The following TMEM232 variants were observed in gnomAD, a reference collection of about 807,000 sequenced individuals.
TMEM232 encodes the protein transmembrane protein 232.
In TMEM232, 80 loss-of-function variants were observed where a neutral mutation model predicts 78.8. That is an observed-to-expected ratio of 1.01 (90% CI 0.85 to 1.22). The LOEUF is 1.22. TMEM232 is among the 50% of genes most tolerant of loss of function. TMEM232 has a pLI of 0.00. For missense variants in TMEM232, 881 were observed against 742.2 expected, an observed-to-expected ratio of 1.19 and a Z score of -2.17; for synonymous variants, 297 against 254.3, an observed-to-expected ratio of 1.17 and a Z score of -1.60.
intron 12 of TMEM232, among the ~76,000 whole-genome samples, chr5:110,443,137 A>T (rs888948845): frequency 1.3e-5 from 2 of 152,090 alleles, no homozygotes; most frequent in African/African-American, 4.8e-5. Context: ...GCAAGTGGTA[A>T]TGTCAGCCAG....
chr5:110,690,813 T>C (rs1439825236), intron 1 of TMEM232, among the ~76,000 whole-genome samples: 9 of 152,192 alleles, frequency 5.9e-5, no homozygotes. Context: ...GATGAATTCA[T>C]GTCCTTTGAA....
At chr5:110,655,542 C>T (rs1788919157) in intron 2 of TMEM232, among the ~76,000 whole-genome samples, 1 of 142,296 alleles carries the variant, frequency 7.0e-6, no homozygotes, top group African/African-American at 2.6e-5. Flanking sequence ...TTGACCCAGC[C>T]ATCCCATTAC....
chr5:110,620,463 T>C (rs1204692731), intron 7 of TMEM232, among the ~76,000 whole-genome samples: 9 of 152,124 alleles, frequency 5.9e-5, no homozygotes, highest in African/African-American at 1.4e-4. Context: ...AGAGAACCCT[T>C]ACTTCCTTAG....
chr5:110,682,773 C>G (rs1488254641), intron 1 of TMEM232, among the ~76,000 whole-genome samples: 1 of 152,098 alleles, frequency 6.6e-6, no homozygotes, highest in East Asian at 1.9e-4. Flanking sequence ...GACAAATCCA[C>G]TATGAGCTTT....
intron 12 of TMEM232, among the ~76,000 whole-genome samples, chr5:110,499,810 T>C (rs1346073173): frequency 6.6e-6 from 1 of 152,164 alleles, no homozygotes; most frequent in East Asian, 1.9e-4. Flanking sequence ...TAGTTCAACA[T>C]TTGTATAATC....
chr5:110,435,537 G>A (rs1758336115), intron 12 of TMEM232, among the ~76,000 whole-genome samples: 1 of 151,520 alleles, frequency 6.6e-6, no homozygotes, highest in South Asian at 2.1e-4. Flanking sequence ...GTGCTATCAA[G>A]TACTAGGTAT....
At position 110,662,063 on chromosome 5, in the gene TMEM232, T is replaced by A. The variant is rs372815314; in HGVS notation, c.125+5165A>T. 3.7e-4 allele frequency among the ~76,000 whole-genome samples: 56 copies of A among 152,340 alleles called. 1 individual carries two copies. The South Asian group carries it at 0.011, about 30-fold the overall frequency. ...GGTTAATAGTCCCTTGTCAGTCAAA[T>A]GTTTAGAATATTCCTTTTAAGTCAA... On this transcript the variant is annotated intron_variant, in intron 2 of 13. Transcript: ENST00000455884.
chr5:110,569,812 A>T (rs1776739452), intron 10 of TMEM232, among the ~76,000 whole-genome samples: 1 of 151,948 alleles, frequency 6.6e-6, no homozygotes. Flanking sequence ...TATTATATAT[A>T]CTTAGAATAA....
At chr5:110,726,772 C>G (rs561322787), upstream of TMEM232, 1 of 152,186 alleles carries the variant, frequency 6.6e-6, no homozygotes, top group Non-Finnish European at 1.5e-5. Flanking sequence ...TGCCCTGTCC[C>G]GTCTCCACCA....
At chr5:110,490,904 C>A (rs1043328472) in intron 12 of TMEM232, among the ~76,000 whole-genome samples, 5 of 152,004 alleles carry the variant, frequency 3.3e-5, no homozygotes, top group Non-Finnish European at 5.9e-5. Context: ...TAGGCGTAAA[C>A]CTTTGTTACC....
At chr5:110,685,139 C>T (rs530336412) in intron 1 of TMEM232, among the ~76,000 whole-genome samples, 1 of 151,874 alleles carries the variant, frequency 6.6e-6, no homozygotes, top group African/African-American at 2.4e-5. Context: ...AAAGAAATAA[C>T]AATGAAATTT....
chr5:110,657,927 T>C (rs964195904), intron 2 of TMEM232, among the ~76,000 whole-genome samples: 3 of 152,060 alleles, frequency 2.0e-5, no homozygotes, highest in African/African-American at 7.2e-5. Context: ...AGGAAAAAAA[T>C]GAAATTGAGA....
intron 12 of TMEM232, among the ~76,000 whole-genome samples, chr5:110,492,296 C>A (rs770150143): frequency 6.6e-6 from 1 of 151,704 alleles, no homozygotes; most frequent in Non-Finnish European, 1.5e-5. Flanking sequence ...TATACATGCA[C>A]ATAAATGCAA....
chr5:110,530,038 G>C (rs73783609), intron 11 of TMEM232, among the ~76,000 whole-genome samples: 1 of 152,080 alleles, frequency 6.6e-6, no homozygotes, highest in Non-Finnish European at 1.5e-5. Context: ...TCAATCTTGC[G>C]ATAGGAAAGA....
chr5:110,663,372 TAATAAG>T (rs1790069165), intron 2 of TMEM232, among the ~76,000 whole-genome samples: 2 of 152,016 alleles, frequency 1.3e-5, no homozygotes, highest in South Asian at 2.1e-4. Flanking sequence ...ACCAACATAT[TAATAAG>T]AATAAGAAAA....
chr5:110,455,683 A>C (rs1760827184), intron 12 of TMEM232, among the ~76,000 whole-genome samples: 1 of 152,136 alleles, frequency 6.6e-6, no homozygotes, highest in African/African-American at 2.4e-5. Context: ...CGGCCCATGT[A>C]GATATAAACT....
At chr5:110,606,072 T>C in intron 9 of TMEM232, 92 bp downstream of exon 9, 1 of 1,198,968 alleles carries the variant, frequency 8.3e-7, no homozygotes, top group Middle Eastern at 2.4e-4. Context: ...ATGCATACTA[T>C]ATGCGCTAAT....
At chr5:110,446,954 G>C (rs371025364) in intron 12 of TMEM232, among the ~76,000 whole-genome samples, 2 of 151,900 alleles carry the variant, frequency 1.3e-5, no homozygotes, top group African/African-American at 4.8e-5. Flanking sequence ...AGTAAAGCTA[G>C]AGTTTAAAAT....
intron 12 of TMEM232, among the ~76,000 whole-genome samples, chr5:110,476,925 C>G (rs189504344): frequency 4.6e-5 from 7 of 151,980 alleles, no homozygotes; most frequent in Non-Finnish European, 7.4e-5. Context: ...AGGATGATAA[C>G]GTAGATGGTG....
Sources: allele counts gnomAD v4.1 joint callset (sites outside exome capture counted in the v4.1 genomes callset), GRCh38; gene constraint gnomAD v4.1.1; transcripts MANE v1.5; gene names NCBI Gene and HGNC (gene_info 2026-07-23, HGNC 2026-07-21).